The following CREBRF variants were observed in gnomAD, a reference collection of about 807,000 sequenced individuals.
CREBRF encodes CREB3 regulatory factor.
A neutral mutation model predicts 66.1 loss-of-function variants in CREBRF; 5 were observed. The ratio of observed to expected loss-of-function variants is 0.08; its 90% CI spans 0.04 to 0.16. The LOEUF is 0.16. Ranked by LOEUF, CREBRF falls within the 10% of genes least tolerant of loss-of-function variation. The pLI is 1.00. For synonymous variants in CREBRF, 229 were observed against 264.4 expected (o/e 0.87, Z 1.30); for missense variants, 531 against 744.9 (o/e 0.71, Z 3.34).
rs1045266592 is a variant in CREBRF at position 173,135,852 on chromosome 5, T to C, written c.*2107T>C. The C allele has an allele frequency of 1.2e-4, 19 of 152,444 alleles. No individual in the cohort carries two copies. Among genetic ancestry groups the C allele is most frequent in the African/African-American group, 4.6e-4 (19 of 41,450 alleles). 9.4% of individuals were successfully genotyped at this position (152,444 alleles called of 1,614,324 possible). A position where few individuals can be genotyped will look rare whatever the true frequency, so the allele number is the denominator to read the frequency against. ...TTGTCTTACCACCTTAGCTGAACTGTGATGCACAAGATTTTTCTATGTGTT... is the reference window on the plus strand; with the variant it reads ...TTGTCTTACCACCTTAGCTGAACTGCGATGCACAAGATTTTTCTATGTGTT... On this transcript the variant is annotated 3_prime_UTR_variant, in exon 9 of 9. Transcript: ENST00000296953.
intron 3 of CREBRF, among the ~76,000 whole-genome samples, chr5:173,086,969 CAG>C (rs1184533118): frequency 4.3e-5 from 6 of 139,946 alleles, no homozygotes; most frequent in South Asian, 2.2e-4. Context: ...TTTTTTGAGA[CAG>C]AGTCTGGCTC....
At position 173,114,415 on chromosome 5, in the gene CREBRF, A is replaced by G. The variant is rs1005933294; in HGVS notation, c.1681+2036A>G. Among the ~76,000 whole-genome samples, 8 of 152,302 alleles carry G rather than the reference A, an allele frequency of 5.3e-5. 1 individual carries two copies. In the South Asian group the frequency reaches 1.7e-3, roughly 32 times the overall value. On this transcript the variant is annotated intron_variant, in intron 7 of 8. Coordinates refer to ENST00000296953, the MANE Select transcript of CREBRF (RefSeq NM_153607.3). ...TAGTTTCTAGAATTTGTGATTTACA[A>G]TTTGAAAAATATTTTGAGACTTGAG...
At chr5:173,127,104 C>T (rs927755822) in intron 8 of CREBRF, among the ~76,000 whole-genome samples, 1 of 151,912 alleles carries the variant, frequency 6.6e-6, no homozygotes, top group African/African-American at 2.4e-5. Context: ...AACAACTATA[C>T]AGCTGTCTTC....
intron 4 of CREBRF, among the ~76,000 whole-genome samples, chr5:173,099,614 C>T (rs1758565095): frequency 6.6e-6 from 1 of 152,032 alleles, no homozygotes; most frequent in African/African-American, 2.4e-5. Context: ...GTTTTATAGT[C>T]CTTTTGTTAC....
At chr5:173,101,885 C>T (rs945547237) in intron 4 of CREBRF, among the ~76,000 whole-genome samples, 1 of 152,156 alleles carries the variant, frequency 6.6e-6, no homozygotes, top group African/African-American at 2.4e-5. Flanking sequence ...CTGCCCCTTT[C>T]TCTTTCTTTA....
At chr5:173,097,332 G>A (rs899048876) in intron 4 of CREBRF, among the ~76,000 whole-genome samples, 1 of 151,998 alleles carries the variant, frequency 6.6e-6, no homozygotes, top group African/African-American at 2.4e-5. Flanking sequence ...TGCAATTTTC[G>A]CCTCCAGGGT....
At chr5:173,094,506 TG>T (rs1276968899) in intron 4 of CREBRF, among the ~76,000 whole-genome samples, 2 of 152,188 alleles carry the variant, frequency 1.3e-5, no homozygotes, top group African/African-American at 4.8e-5. Context: ...TATCTCATTG[TG>T]GCTTTCGTTT....
intron 4 of CREBRF, among the ~76,000 whole-genome samples, chr5:173,094,893 C>T (rs1191188885): frequency 6.6e-6 from 1 of 152,002 alleles, no homozygotes; most frequent in African/African-American, 2.4e-5. Context: ...CATGTTTTCT[C>T]CTAGTATTTT....
At chr5:173,128,003 C>T (rs1052815959) in intron 8 of CREBRF, among the ~76,000 whole-genome samples, 1 of 151,896 alleles carries the variant, frequency 6.6e-6, no homozygotes, top group African/African-American at 2.4e-5. Flanking sequence ...TCTACTTTCT[C>T]CCCCCCAAAA....
intron 1 of CREBRF, among the ~76,000 whole-genome samples, chr5:173,063,860 T>A (rs543427810): frequency 1.8e-4 from 28 of 151,792 alleles, no homozygotes; most frequent in African/African-American, 6.3e-4. Context: ...TAGCTGGGAC[T>A]ACAGGCACCT....
chr5:173,074,392 G>A (rs1460324642), intron 1 of CREBRF, among the ~76,000 whole-genome samples: 3 of 151,668 alleles, frequency 2.0e-5, no homozygotes, highest in Admixed American at 2.0e-4. Flanking sequence ...AAAGATTAAA[G>A]TTGGATAGGA....
chr5:173,076,618 T>A (rs559555849), intron 1 of CREBRF, among the ~76,000 whole-genome samples: 16 of 151,892 alleles, frequency 1.1e-4, no homozygotes, highest in Non-Finnish European at 1.8e-4. Context: ...CCAGGCGTGG[T>A]GGTGCTGCAT....
intron 1 of CREBRF, among the ~76,000 whole-genome samples, chr5:173,074,247 G>A (rs1343071877): frequency 1.3e-5 from 2 of 150,220 alleles, no homozygotes; most frequent in Non-Finnish European, 2.9e-5. Context: ...GTTGCAGTGA[G>A]CTGAGATCAC....
chr5:173,070,914 C>G (rs1307758075), intron 1 of CREBRF, among the ~76,000 whole-genome samples: 1 of 152,058 alleles, frequency 6.6e-6, no homozygotes, highest in Non-Finnish European at 1.5e-5. Flanking sequence ...TCAGCCATCT[C>G]TTGTGTGGAT....
intron 1 of CREBRF, among the ~76,000 whole-genome samples, chr5:173,075,095 T>TA (rs1757720164): frequency 6.6e-6 from 1 of 152,208 alleles, no homozygotes. Context: ...AGGGAAAAGA[T>TA]ACACTTTCTT....
chr5:173,082,625 G>T (rs1242348930), intron 2 of CREBRF, among the ~76,000 whole-genome samples: 1 of 150,828 alleles, frequency 6.6e-6, no homozygotes, highest in Non-Finnish European at 1.5e-5. Context: ...AGAAATTTTT[G>T]GCCAGTTGGC....
intron 7 of CREBRF, among the ~76,000 whole-genome samples, chr5:173,114,945 G>A (rs1758950752): frequency 6.6e-6 from 1 of 152,170 alleles, no homozygotes; most frequent in South Asian, 2.1e-4. Context: ...TGAGAGCCAG[G>A]TGCTTCTATT....
chr5:173,117,639 T>TCCC, intron 7 of CREBRF, among the ~76,000 whole-genome samples: 1 of 56,504 alleles, frequency 1.8e-5, no homozygotes. Flanking sequence ...CCCTCCCTCC[T>TCCC]TCTCTCCTCT....
Position 173,080,799 on chromosome 5 carries a change from G to GT in CREBRF, c.9+16dup. 6.2e-7 allele frequency: 1 copy of GT among 1,612,342 alleles called. No individual in the cohort carries two copies. Among genetic ancestry groups the GT allele is most frequent in the East Asian group, 2.2e-5 (1 of 44,838 alleles). ...AAATGCCTCAGGTAAATCATACAGA[G>GT]TAGGTGCAAAGTTTTTTATTTTCCC... On this transcript the variant is annotated intron_variant, in intron 2 of 8. Transcript: ENST00000296953.
Sources: gnomAD v4.1 joint callset for allele counts (sites outside exome capture counted in the v4.1 genomes callset) on GRCh38, gnomAD v4.1.1 for gene constraint, MANE v1.5 for transcripts, NCBI Gene and HGNC (gene_info 2026-07-23, HGNC 2026-07-21) for gene names.